Variants in MEIS2 observed in about 807,000 individuals in gnomAD.
The protein encoded by MEIS2 is homeobox protein Meis2.
In MEIS2, 9 loss-of-function variants were observed where a neutral mutation model predicts 58.6. The ratio of observed to expected loss-of-function variants is 0.15; its 90% confidence interval spans 0.09 to 0.27. The LOEUF is 0.27. Ranked by LOEUF, MEIS2 falls within the 10% of genes least tolerant of loss-of-function variation. The pLI, the probability that MEIS2 is intolerant of heterozygous loss-of-function variation, is 1.00. For synonymous variants in MEIS2, 221 were observed against 228.4 expected (o/e 0.97, Z 0.29); for missense variants, 427 against 635.0 (o/e 0.67, Z 3.52).
chr15:37,099,060 G>A (rs1008985238), intron 1 of MEIS2: 4 of 984,726 alleles, frequency 4.1e-6, no homozygotes, highest in South Asian at 4.6e-5. Flanking sequence ...TGCCCGCCCC[G>A]AGCCGCGCGA....
chr15:37,027,887 AC>A (rs2061760687), intron 8 of MEIS2, among the ~76,000 whole-genome samples: 1 of 151,804 alleles, frequency 6.6e-6, no homozygotes, highest in African/African-American at 2.4e-5. Context: ...CATTATCAAC[AC>A]CCCCTACCGG....
chr15:36,915,885 A>T lies in MEIS2; in HGVS notation c.978-19199T>A, dbSNP rs548449923. 2.0e-5 allele frequency among the ~76,000 whole-genome samples: 3 copies of T among 152,352 alleles called. No individual in the cohort carries two copies. The East Asian group carries it at 5.8e-4, about 29-fold the overall frequency. ...TGAGGATGCTTAGGAGGACAGCAAA[A>T]CAAAATATTTAAAGTTAGCACTATA... On this transcript the variant is annotated intron_variant, in intron 9 of 11. Transcript: ENST00000561208.
chr15:37,045,825 A>G (rs2062642777), intron 7 of MEIS2, among the ~76,000 whole-genome samples: 1 of 152,192 alleles, frequency 6.6e-6, no homozygotes, highest in Non-Finnish European at 1.5e-5. Flanking sequence ...TTTCGTTTAC[A>G]TGCAACATTT....
At chr15:37,098,261 G>T in intron 1 of MEIS2, 62 bp from the exon 2 acceptor site, 1 of 1,471,322 alleles carries the variant, frequency 6.8e-7, no homozygotes, top group Non-Finnish European at 9.1e-7. Flanking sequence ...GGAGGGGGGT[G>T]GAAAGGGAAA....
intron 10 of MEIS2, 30 bp downstream of exon 10, chr15:36,896,598 A>G (rs747070520): frequency 2.2e-5 from 34 of 1,557,498 alleles, no homozygotes; most frequent in Non-Finnish European, 2.9e-5. Flanking sequence ...TGCCTGTGGG[A>G]CATAAATATA....
intron 9 of MEIS2, 199 bp from the exon 10 acceptor site, chr15:36,896,885 A>C: frequency 1.9e-6 from 1 of 538,704 alleles, no homozygotes. Flanking sequence ...GTCAACTCCA[A>C]AACAACTTGC....
intron 7 of MEIS2, among the ~76,000 whole-genome samples, chr15:37,078,619 A>C (rs1891766176): frequency 6.7e-6 from 1 of 149,718 alleles, no homozygotes; most frequent in Non-Finnish European, 1.5e-5. Context: ...AAAAAAAAAA[A>C]AAAAAAAAAA....
intron 8 of MEIS2, among the ~76,000 whole-genome samples, chr15:36,967,942 C>T (rs1421576541): frequency 1.3e-5 from 2 of 152,186 alleles, no homozygotes; most frequent in Non-Finnish European, 1.5e-5. Flanking sequence ...TCACTTGCTG[C>T]TATGAACTCC....
intron 9 of MEIS2, among the ~76,000 whole-genome samples, chr15:36,910,349 A>C (rs1200017302): frequency 1.3e-5 from 2 of 152,192 alleles, no homozygotes; most frequent in Non-Finnish European, 2.9e-5. Context: ...TATGGAGAAA[A>C]CAAATGTGAA....
chr15:36,979,125 A>T (rs1268089934), intron 8 of MEIS2, among the ~76,000 whole-genome samples: 1 of 152,162 alleles, frequency 6.6e-6, no homozygotes, highest in African/African-American at 2.4e-5. Context: ...CAAATGAAAA[A>T]TTCCACAGCT....
intron 8 of MEIS2, among the ~76,000 whole-genome samples, chr15:36,978,423 T>C (rs529328677): frequency 6.6e-6 from 1 of 152,352 alleles, no homozygotes; most frequent in Admixed American, 6.5e-5. Flanking sequence ...GGATCTGTGC[T>C]CTTATCGCTG....
At chr15:37,031,352 G>A (rs1209455839) in intron 8 of MEIS2, among the ~76,000 whole-genome samples, 1 of 151,538 alleles carries the variant, frequency 6.6e-6, no homozygotes, top group African/African-American at 2.4e-5. Flanking sequence ...CTAGTCAAAG[G>A]GCAAAATAGT....
At chr15:36,950,297 A>G in intron 9 of MEIS2, 27 bp downstream of exon 9, 1 of 1,571,210 alleles carries the variant, frequency 6.4e-7, no homozygotes, top group Non-Finnish European at 8.7e-7. Context: ...GCCATGGGAG[A>G]AAGACATTGA....
chr15:36,966,480 C>A lies in MEIS2; in HGVS notation c.901-16080G>T, dbSNP rs149262352. Among the ~76,000 whole-genome samples the A allele has an allele frequency of 7.7e-3, 1,178 of 152,234 alleles. 22 individuals carry two copies. The highest frequency in any genetic ancestry group is 0.027 in the African/African-American group (1,136 of 41,524). Reference sequence around the variant, plus strand: ...GAATCAGACGGTCCTGGCTTTTAATCTTGGCTTGGCAGATTACTTACTGTA... The same window carrying A: ...GAATCAGACGGTCCTGGCTTTTAATATTGGCTTGGCAGATTACTTACTGTA... On this transcript the variant is annotated intron_variant, in intron 8 of 11. Transcript: ENST00000561208.
At chr15:37,052,926 A>G (rs1295003722) in intron 7 of MEIS2, among the ~76,000 whole-genome samples, 1 of 152,176 alleles carries the variant, frequency 6.6e-6, no homozygotes, top group African/African-American at 2.4e-5. Context: ...AAAGGTGAGG[A>G]GCTGAAAGCC....
intron 7 of MEIS2, among the ~76,000 whole-genome samples, chr15:37,059,634 T>TA (rs1359300449): frequency 6.6e-6 from 1 of 151,964 alleles, no homozygotes; most frequent in Non-Finnish European, 1.5e-5. Context: ...TTTTTTTTTT[T>TA]AATTAAAAAA....
intron 8 of MEIS2, among the ~76,000 whole-genome samples, chr15:37,003,917 A>T (rs985657376): frequency 3.9e-5 from 6 of 152,202 alleles, no homozygotes; most frequent in African/African-American, 1.4e-4. Context: ...GTCACCAGAC[A>T]CTGAATTTGC....
rs748222983 is a variant in MEIS2 at position 37,099,448 on chromosome 15, A to G, written c.12+7T>C. 2 of 1,613,968 alleles carry G rather than the reference A, an allele frequency of 1.2e-6. No homozygotes were observed. Among genetic ancestry groups the G allele is most frequent in the African/African-American group, 2.7e-5 (2 of 74,904 alleles). ...TATCTAGGTAAGTGTTGGAGATTTA[A>G]ACCTACCCTTTGCGCCATCAGTCTG... On this transcript the variant is annotated splice_region_variant and intron_variant, in intron 1 of 11. Transcript: ENST00000561208.
intron 8 of MEIS2, among the ~76,000 whole-genome samples, chr15:37,024,827 C>G (rs113933797): frequency 2.2e-4 from 34 of 152,236 alleles, no homozygotes; most frequent in African/African-American, 7.9e-4. Context: ...TGCTGATGGA[C>G]AGTTAATTCT....
Sources: allele counts gnomAD v4.1 joint callset (sites outside exome capture counted in the v4.1 genomes callset), GRCh38; gene constraint gnomAD v4.1.1; transcripts MANE v1.5; gene names NCBI Gene and HGNC (gene_info 2026-07-23, HGNC 2026-07-21).